Variants in NRXN3 observed in about 807,000 individuals in gnomAD.
The protein encoded by NRXN3 is neurexin 3.
Under a neutral mutation model 137.6 loss-of-function variants are expected in NRXN3, and 32 were observed. The observed-to-expected ratio is 0.23, with a 90% CI of 0.18 to 0.31. The LOEUF (loss-of-function observed/expected upper bound fraction) is 0.31. Among genes scored for constraint, NRXN3 ranks in the 10% least tolerant of loss-of-function variants. The pLI is 1.00. For missense variants in NRXN3, 1,574 were observed against 2,062.5 expected, an observed-to-expected ratio of 0.76 and a Z score of 4.59; for synonymous variants, 798 against 784.5, an observed-to-expected ratio of 1.02 and a Z score of -0.29.
chr14:79,564,719 C>T (rs1421463085), intron 16 of NRXN3, among the ~76,000 whole-genome samples: 1 of 152,042 alleles, frequency 6.6e-6, no homozygotes, highest in Non-Finnish European at 1.5e-5. Context: ...TCTGAATGAT[C>T]TTGTTGACCA....
chr14:78,314,927 C>G (rs2078445848), intron 4 of NRXN3, among the ~76,000 whole-genome samples: 1 of 119,182 alleles, frequency 8.4e-6, no homozygotes, highest in East Asian at 2.7e-4. Context: ...TTCTTTCTTT[C>G]TTTCTTTCTT....
chr14:79,010,928 C>CA (rs2099569856), intron 15 of NRXN3, among the ~76,000 whole-genome samples: 1 of 152,008 alleles, frequency 6.6e-6, no homozygotes, highest in Non-Finnish European at 1.5e-5. Context: ...TGCTGTGGCA[C>CA]AAAAAAAGAA....
rs536845366 is a variant in NRXN3, at chr14:78,306,496, C to T, written c.757+8636C>T. 2.6e-5 allele frequency among the ~76,000 whole-genome samples: 4 copies of T among 152,168 alleles called. No individual in the cohort carries two copies. The South Asian group carries it at 6.2e-4, about 24-fold the overall frequency. On this transcript the variant is annotated intron_variant, in intron 4 of 20. Coordinates refer to ENST00000335750, the MANE Select transcript of NRXN3 (RefSeq NM_001330195.2). The stretch of plus-strand genomic sequence containing the variant: ...AGATACATCTCATTTGTAAAGAATT[C>T]GAAAGAGTAGTCTGATGGAAAGATA...
chr14:79,768,214 C>A (rs1256572753), intron 19 of NRXN3, among the ~76,000 whole-genome samples: 4 of 152,180 alleles, frequency 2.6e-5, no homozygotes, highest in Non-Finnish European at 5.9e-5. Flanking sequence ...CTGCCATTGC[C>A]CAGGCTTGCT....
At chr14:78,467,867 C>G (rs1338749659) in intron 4 of NRXN3, among the ~76,000 whole-genome samples, 2 of 152,136 alleles carry the variant, frequency 1.3e-5, no homozygotes, top group African/African-American at 4.8e-5. Context: ...TCTTATGGTT[C>G]TACACCTCCT....
chr14:79,656,817 G>T (rs1260396192), intron 16 of NRXN3, among the ~76,000 whole-genome samples: 3 of 152,104 alleles, frequency 2.0e-5, no homozygotes. Context: ...AACTTTCCTG[G>T]TTGGGTGCAA....
At position 78,243,756 on chromosome 14, in the gene NRXN3, C is replaced by T. The variant is rs369419008; in HGVS notation, c.663C>T (p.Thr221=). The change falls in exon 2 of 21, where the codon ACC becomes ACT. Residue 221 remains threonine, a synonymous_variant. Coordinates refer to ENST00000335750, the MANE Select transcript of NRXN3 (RefSeq NM_001330195.2). The surrounding 1 kb of genome is among the most constrained non-coding windows in gnomAD (Gnocchi z 4.2). ...GCTTTCTCCTGGACGGCCACCCCAC[C>T]TGTGACTGTTCTACCACTGGCTATG... ...GICFLLDGHP[T]CDCSTTGYGG... The T allele has an allele frequency of 7.5e-5, 119 of 1,596,736 alleles. No homozygotes were observed. Among genetic ancestry groups the T allele is most frequent in the Non-Finnish European group, 9.8e-5 (115 of 1,179,012 alleles).
At chr14:78,770,174 C>T (rs926380817) in intron 8 of NRXN3, among the ~76,000 whole-genome samples, 1 of 152,084 alleles carries the variant, frequency 6.6e-6, no homozygotes, top group Admixed American at 6.6e-5. Context: ...CCTATTTTTG[C>T]AGATGAGTAA....
chr14:79,653,910 G>T (rs982473186), intron 16 of NRXN3, among the ~76,000 whole-genome samples: 6 of 152,112 alleles, frequency 3.9e-5, no homozygotes, highest in African/African-American at 4.8e-5. Flanking sequence ...ATGGCAAATG[G>T]AATCCACCTG....
intron 20 of NRXN3, among the ~76,000 whole-genome samples, chr14:79,825,988 C>T (rs1016947290): frequency 1.0e-4 from 15 of 144,754 alleles, no homozygotes; most frequent in African/African-American, 3.7e-4. Context: ...CATATATATA[C>T]CTTCCTCAAA....
At chr14:79,725,858 T>A (rs1020173477) in intron 19 of NRXN3, among the ~76,000 whole-genome samples, 43 of 152,238 alleles carry the variant, frequency 2.8e-4, no homozygotes, top group African/African-American at 1.0e-3. Flanking sequence ...AAAATGACAG[T>A]GCAGTTGTTT....
intron 4 of NRXN3, among the ~76,000 whole-genome samples, chr14:78,334,774 A>G (rs1403958770): frequency 6.6e-6 from 1 of 152,112 alleles, no homozygotes; most frequent in Admixed American, 6.5e-5. Flanking sequence ...GTAATTAGGG[A>G]GTCCTATTTC....
chr14:79,261,832 T>C (rs2077648964), intron 15 of NRXN3, among the ~76,000 whole-genome samples: 1 of 152,004 alleles, frequency 6.6e-6, no homozygotes, highest in Non-Finnish European at 1.5e-5. Flanking sequence ...TGGGAGAGGG[T>C]ACCGAGGAGG....
In NRXN3 at chr14:79,781,424, C is replaced by T. The variant is rs10146315; in HGVS notation, c.4015-23688C>T. ...GAAGTCAAGAAAGAAACATAACAAG[C>T]TAACAGCTGTCACCAACAAATAGCA... On this transcript the variant is annotated intron_variant, in intron 19 of 20. Transcript: ENST00000335750. 9.7e-3 allele frequency among the ~76,000 whole-genome samples: 1,480 copies of T among 152,312 alleles called. 32 individuals carry two copies. Among genetic ancestry groups the T allele is most frequent in the South Asian group, 0.042 (201 of 4,826 alleles).
intron 4 of NRXN3, chr14:78,300,820 A>G: frequency 3.0e-6 from 2 of 659,384 alleles, no homozygotes; most frequent in Admixed American, 5.6e-5. Flanking sequence ...ACAACTGAAA[A>G]ATAAGAATAA....
At chr14:78,964,642 A>G (rs145929903) in intron 11 of NRXN3, among the ~76,000 whole-genome samples, 4 of 152,324 alleles carry the variant, frequency 2.6e-5, no homozygotes, top group African/African-American at 7.2e-5. Context: ...GGAAGAAAGA[A>G]TTCCCCCTCT....
At position 79,866,128 on chromosome 14, in the gene NRXN3, C is replaced by T. The variant is rs1269037702; in HGVS notation, c.*4164C>T. 1 of 152,166 alleles carries T rather than the reference C, an allele frequency of 6.6e-6. No homozygotes were observed. Among genetic ancestry groups the T allele is most frequent in the East Asian group, 1.9e-4 (1 of 5,182 alleles). 9.4% of individuals were successfully genotyped at this position (152,166 alleles called of 1,614,324 possible). ...TTTTTGTCTCTTGTATAAATCTATA[C>T]AGGTCCAGTCTCTCTTTGCTCATAT... On this transcript the variant is annotated 3_prime_UTR_variant, in exon 21 of 21. Transcript: ENST00000335750.
chr14:79,546,035 A>T (rs1398725158), intron 16 of NRXN3, among the ~76,000 whole-genome samples: 1 of 152,112 alleles, frequency 6.6e-6, no homozygotes, highest in Non-Finnish European at 1.5e-5. Flanking sequence ...GCTTCTCTGC[A>T]CAAGCTCTCT....
Position 78,245,197 on chromosome 14 carries a change from C to T in NRXN3, c.709+1395C>T, listed in dbSNP as rs553450492. 5.9e-5 allele frequency among the ~76,000 whole-genome samples: 9 copies of T among 152,242 alleles called. No homozygotes were observed. The South Asian group carries it at 1.7e-3, about 28-fold the overall frequency. ...TGTTGCCATCCCCTACTGGTCTCTTCGTGGAGGTGGTGTAAGGTATAGGGC... is the reference window on the plus strand; with the variant it reads ...TGTTGCCATCCCCTACTGGTCTCTTTGTGGAGGTGGTGTAAGGTATAGGGC... On this transcript the variant is annotated intron_variant, in intron 2 of 20. Coordinates refer to ENST00000335750, the MANE Select transcript of NRXN3 (RefSeq NM_001330195.2).
Sources: allele counts gnomAD v4.1 joint callset (sites outside exome capture counted in the v4.1 genomes callset), GRCh38; gene constraint gnomAD v4.1.1; non-coding constraint Gnocchi (gnomAD v3.1); transcripts MANE v1.5; gene names NCBI Gene and HGNC (gene_info 2026-07-23, HGNC 2026-07-21).